RBFOX1: variants seen among roughly 807,000 people sequenced by gnomAD.
RBFOX1 encodes RNA binding fox-1 homolog 1.
RBFOX1 carries 8 observed loss-of-function variants against 57.7 expected under a neutral mutation model. The ratio of observed to expected loss-of-function variants is 0.14; its 90% CI spans 0.08 to 0.25. The LOEUF is 0.25. Ranked by LOEUF, RBFOX1 falls within the 10% of genes least tolerant of loss-of-function variation. The pLI is 1.00. For missense variants in RBFOX1, 611 were observed against 548.5 expected (o/e 1.11, Z -1.14); for synonymous variants, 326 against 222.4 (o/e 1.47, Z -4.15).
chr16:5,428,048 C>T (rs796325154), intron 1 of RBFOX1, among the ~76,000 whole-genome samples: 10 of 152,144 alleles, frequency 6.6e-5, no homozygotes, highest in African/African-American at 2.4e-4. Flanking sequence ...GTAGCTTTGC[C>T]CTGTGGGCCC....
chr16:7,698,602 A>G (rs958329598), intron 14 of RBFOX1, among the ~76,000 whole-genome samples: 1 of 152,202 alleles, frequency 6.6e-6, no homozygotes, highest in African/African-American at 2.4e-5. Flanking sequence ...CCAATTGGCC[A>G]TTCCTCTAAC....
At chr16:5,813,449 A>G (rs566634808) in intron 3 of RBFOX1, among the ~76,000 whole-genome samples, 7 of 152,296 alleles carry the variant, frequency 4.6e-5, no homozygotes, top group South Asian at 2.1e-4. Flanking sequence ...TATGTGGTCT[A>G]TCTATACAAT....
intron 3 of RBFOX1, among the ~76,000 whole-genome samples, chr16:5,662,278 T>A (rs1034871408): frequency 6.6e-6 from 1 of 152,216 alleles, no homozygotes; most frequent in African/African-American, 2.4e-5. Context: ...GACTCCTTTA[T>A]GCTCTTAGAA....
intron 11 of RBFOX1, among the ~76,000 whole-genome samples, chr16:7,648,431 C>T (rs2064208240): frequency 6.6e-6 from 1 of 152,012 alleles, no homozygotes; most frequent in Non-Finnish European, 1.5e-5. Context: ...CATCATGTTT[C>T]CCAGGATGAT....
At chr16:7,631,228 T>C (rs950604700) in intron 11 of RBFOX1, among the ~76,000 whole-genome samples, 1 of 152,080 alleles carries the variant, frequency 6.6e-6, no homozygotes, top group Non-Finnish European at 1.5e-5. Flanking sequence ...TTTAATCAAG[T>C]GCAGGGGCAG....
intron 1 of RBFOX1, among the ~76,000 whole-genome samples, chr16:6,055,833 A>C (rs572198215): frequency 6.6e-6 from 1 of 152,312 alleles, no homozygotes; most frequent in East Asian, 1.9e-4. Flanking sequence ...GCAAACACAG[A>C]AAAGTACAAG....
At chr16:6,068,913 G>A (rs769743071) in intron 1 of RBFOX1, among the ~76,000 whole-genome samples, 1 of 152,088 alleles carries the variant, frequency 6.6e-6, no homozygotes, top group Non-Finnish European at 1.5e-5. Context: ...TAAGCATTCC[G>A]ACACTCAGTT....
chr16:7,171,462 A>C (rs2080686417), intron 4 of RBFOX1, among the ~76,000 whole-genome samples: 1 of 152,182 alleles, frequency 6.6e-6, no homozygotes, highest in African/African-American at 2.4e-5. Flanking sequence ...GTGCTTTTGA[A>C]CTAGATTGCA....
At chr16:6,390,237 C>G (rs901644647) in intron 2 of RBFOX1, among the ~76,000 whole-genome samples, 7 of 152,138 alleles carry the variant, frequency 4.6e-5, no homozygotes, top group Admixed American at 1.3e-4. Context: ...AAACCTGAGT[C>G]TTTTTACCTA....
intron 3 of RBFOX1, among the ~76,000 whole-genome samples, chr16:6,975,223 G>C (rs1019047203): frequency 2.6e-5 from 4 of 152,036 alleles, no homozygotes; most frequent in African/African-American, 9.6e-5. Flanking sequence ...CAGAATTTAA[G>C]AGGCCACCAC....
At chr16:6,157,511 C>T (rs181728859) in intron 1 of RBFOX1, among the ~76,000 whole-genome samples, 1 of 152,122 alleles carries the variant, frequency 6.6e-6, no homozygotes, top group Admixed American at 6.6e-5. Flanking sequence ...CTGTGGTAAT[C>T]CTATTCTGCC....
chr16:6,371,217 G>A (rs762233318), intron 2 of RBFOX1, among the ~76,000 whole-genome samples: 2 of 152,092 alleles, frequency 1.3e-5, no homozygotes, highest in Admixed American at 6.5e-5. Flanking sequence ...TTAAAATACC[G>A]ATTTGTCATC....
intron 2 of RBFOX1, among the ~76,000 whole-genome samples, chr16:6,378,097 C>A (rs1002136683): frequency 6.6e-6 from 1 of 152,212 alleles, no homozygotes; most frequent in African/African-American, 2.4e-5. Context: ...ACCCTGTGCC[C>A]GCCTAAGATG....
chr16:7,095,855 A>C (rs945645185), intron 4 of RBFOX1, among the ~76,000 whole-genome samples: 15 of 151,898 alleles, frequency 9.9e-5, no homozygotes, highest in African/African-American at 3.6e-4. Context: ...TACTAAAAAT[A>C]CAAAAAAATT....
At chr16:7,337,589 C>G (rs549980813) in intron 4 of RBFOX1, among the ~76,000 whole-genome samples, 8 of 152,158 alleles carry the variant, frequency 5.3e-5, no homozygotes, top group African/African-American at 2.4e-5. Context: ...AATGGAACTC[C>G]TAAGCACTGC....
downstream of RBFOX1, among the ~76,000 whole-genome samples, chr16:5,602,318 A>G (rs1392333939): frequency 6.6e-6 from 1 of 152,240 alleles, no homozygotes; most frequent in East Asian, 1.9e-4. Flanking sequence ...CACCTTGGAG[A>G]TGATTGTACA....
intron 4 of RBFOX1, among the ~76,000 whole-genome samples, chr16:7,145,789 A>G (rs12930440): frequency 0.14 from 21,434 of 152,174 alleles, 1,775 homozygotes; most frequent in East Asian, 0.34. Context: ...GAGTCTCCCT[A>G]TACCTCTCTC....
chr16:5,956,168 C>T (rs190720711), intron 4 of RBFOX1, among the ~76,000 whole-genome samples: 2 of 152,056 alleles, frequency 1.3e-5, no homozygotes, highest in East Asian at 1.9e-4. Flanking sequence ...CTCAGCTGCT[C>T]CAGAGGGTGA....
At chr16:5,453,998 G>A (rs2068505898) in intron 1 of RBFOX1, among the ~76,000 whole-genome samples, 1 of 152,204 alleles carries the variant, frequency 6.6e-6, no homozygotes, top group African/African-American at 2.4e-5. Flanking sequence ...AGAGGTTGGT[G>A]TGTTCCAGGA....
Sources: allele counts gnomAD v4.1 joint callset (sites outside exome capture counted in the v4.1 genomes callset), GRCh38; gene constraint gnomAD v4.1.1; transcripts MANE v1.5; gene names NCBI Gene and HGNC (gene_info 2026-07-23, HGNC 2026-07-21).